UVRAG: variants seen among roughly 807,000 people sequenced by gnomAD.
UVRAG encodes UV radiation resistance associated.
Under a neutral mutation model 78.0 loss-of-function variants are expected in UVRAG, and 19 were observed. The ratio of observed to expected loss-of-function variants is 0.24; its 90% CI spans 0.17 to 0.36. The LOEUF is 0.36. UVRAG is among the 10% of genes least tolerant of loss of function. The pLI, the probability that UVRAG is intolerant of heterozygous loss-of-function variation, is 1.00. For missense variants in UVRAG, 740 were observed against 853.8 expected, an observed-to-expected ratio of 0.87 and a Z score of 1.66; for synonymous variants, 323 against 324.6, an observed-to-expected ratio of 1.00 and a Z score of 0.05.
In UVRAG at chr11:75,888,739, A is replaced by G. The variant is rs959878834; in HGVS notation, c.433-90A>G. 48 of 1,095,114 alleles carry G rather than the reference A, an allele frequency of 4.4e-5. No individual in the cohort carries two copies. In the Middle Eastern group the frequency reaches 1.1e-3, roughly 24 times the overall value. 67.8% of individuals were successfully genotyped at this position (1,095,114 alleles called of 1,614,324 possible). A position where few individuals can be genotyped will look rare whatever the true frequency, so the allele number is the denominator to read the frequency against. Reference sequence around the variant, plus strand: ...TAGTCAGCCGGTTTCTCAGTATTGAAGTAGATCCTGTTGTAACTGTCATTC... The same window carrying G: ...TAGTCAGCCGGTTTCTCAGTATTGAGGTAGATCCTGTTGTAACTGTCATTC... On this transcript the variant is annotated intron_variant, in intron 4 of 14. Transcript: ENST00000356136.
At chr11:75,934,358 TA>T (rs1453453179) in intron 6 of UVRAG, among the ~76,000 whole-genome samples, 1 of 151,892 alleles carries the variant, frequency 6.6e-6, no homozygotes, top group Non-Finnish European at 1.5e-5. Context: ...GGTAGTAAAA[TA>T]GGAGGTGGTG....
chr11:75,896,311 C>G (rs867340905), intron 5 of UVRAG, among the ~76,000 whole-genome samples: 1 of 152,106 alleles, frequency 6.6e-6, no homozygotes, highest in South Asian at 2.1e-4. Flanking sequence ...AAATAAAAAG[C>G]TGTTGAGTCA....
chr11:75,911,544 T>A (rs569731362), intron 5 of UVRAG: 1 of 163,958 alleles, frequency 6.1e-6, no homozygotes, highest in African/African-American at 2.4e-5. Context: ...TCCGTGTTCA[T>A]CTTTCTCTGG....
chr11:75,829,521 T>G (rs925448981), intron 1 of UVRAG, among the ~76,000 whole-genome samples: 2 of 152,354 alleles, frequency 1.3e-5, no homozygotes, highest in African/African-American at 4.8e-5. Flanking sequence ...TGCACAAATG[T>G]GAATGCTTGT....
chr11:75,948,957 G>T (rs915024433), intron 6 of UVRAG, among the ~76,000 whole-genome samples: 2 of 152,134 alleles, frequency 1.3e-5, no homozygotes, highest in Admixed American at 6.5e-5. Context: ...GGATGCTGTT[G>T]GGGAAGATAA....
rs17134431 is a variant in UVRAG, at chr11:75,879,837, A to C, written c.271-42A>C. Reference sequence around the variant, plus strand: ...TCACCTAATTGAAATAATCGTAAACAAATAGAGTTGTCCTAAAGCGTGTTT... The same window carrying C: ...TCACCTAATTGAAATAATCGTAAACCAATAGAGTTGTCCTAAAGCGTGTTT... On this transcript the variant is annotated intron_variant, in intron 3 of 14. Coordinates refer to ENST00000356136, the MANE Select transcript of UVRAG (RefSeq NM_003369.4). 1.1e-3 allele frequency: 1,734 copies of C among 1,596,442 alleles called. 19 individuals are homozygous for C. The African/African-American group carries it at 0.02, about 19-fold the overall frequency.
At chr11:75,935,638 A>G (rs557649844) in intron 6 of UVRAG, among the ~76,000 whole-genome samples, 29 of 152,276 alleles carry the variant, frequency 1.9e-4, no homozygotes, top group African/African-American at 6.7e-4. Flanking sequence ...TTTCTTGAGT[A>G]TTTTATGTCT....
At chr11:75,985,807 T>G (rs1320566227) in intron 8 of UVRAG, among the ~76,000 whole-genome samples, 1 of 152,212 alleles carries the variant, frequency 6.6e-6, no homozygotes, top group South Asian at 2.1e-4. Flanking sequence ...TGCGTTGCAG[T>G]TTTGCTTTTC....
chr11:76,003,234 C>A (rs1419072398), intron 8 of UVRAG, among the ~76,000 whole-genome samples: 8 of 144,764 alleles, frequency 5.5e-5, no homozygotes, highest in Non-Finnish European at 7.5e-5. Flanking sequence ...TTCCTATACA[C>A]TATGATTTTC....
At chr11:75,960,746 G>A (rs553764321) in intron 6 of UVRAG, among the ~76,000 whole-genome samples, 10 of 152,234 alleles carry the variant, frequency 6.6e-5, no homozygotes, top group Admixed American at 1.3e-4. Flanking sequence ...CAGCCTGGGC[G>A]ACAGAGTGAC....
In UVRAG at chr11:75,869,454, T is replaced by G. The variant is rs573180359; in HGVS notation, c.270+7674T>G. Among the ~76,000 whole-genome samples, 3 of 152,336 alleles carry G rather than the reference T, an allele frequency of 2.0e-5. No individual in the cohort carries two copies. The South Asian group carries it at 6.2e-4, about 32-fold the overall frequency. On this transcript the variant is annotated intron_variant, in intron 3 of 14. Coordinates refer to ENST00000356136, the MANE Select transcript of UVRAG (RefSeq NM_003369.4). ...TCAGTTGAATTATGATTGAATGAATTAACATTGAGTGTGTGTGTGTGTAGC... is the reference window on the plus strand; with the variant it reads ...TCAGTTGAATTATGATTGAATGAATGAACATTGAGTGTGTGTGTGTGTAGC...
At chr11:75,868,719 A>G (rs7126845) in intron 3 of UVRAG, among the ~76,000 whole-genome samples, 10,278 of 152,282 alleles carry the variant, frequency 0.067, 493 homozygotes, top group African/African-American at 0.14. Flanking sequence ...CAATAACAAT[A>G]TAAGTGACTA....
At chr11:76,082,470 G>A (rs938934946) in intron 13 of UVRAG, among the ~76,000 whole-genome samples, 1 of 149,778 alleles carries the variant, frequency 6.7e-6, no homozygotes, top group African/African-American at 2.5e-5. Flanking sequence ...AACCCGGGAG[G>A]CGGAGCTTGC....
intron 1 of UVRAG, among the ~76,000 whole-genome samples, chr11:75,821,860 G>A (rs912617900): frequency 6.6e-6 from 1 of 151,586 alleles, no homozygotes; most frequent in African/African-American, 2.4e-5. Flanking sequence ...GACTAGGGTG[G>A]TGGTGTTTTG....
At chr11:75,884,238 CTT>C (rs1491325272) in intron 4 of UVRAG, among the ~76,000 whole-genome samples, 38 of 151,546 alleles carry the variant, frequency 2.5e-4, no homozygotes, top group Middle Eastern at 3.4e-3. Context: ...CTCTCTCTCT[CTT>C]TCTCTCTCTC....
intron 12 of UVRAG, among the ~76,000 whole-genome samples, chr11:76,048,765 T>C (rs974771833): frequency 2.0e-5 from 3 of 152,376 alleles, no homozygotes; most frequent in Non-Finnish European, 2.9e-5. Flanking sequence ...ATTTTGAGCA[T>C]TGACATCCAG....
chr11:75,996,037 C>G (rs1949700693), intron 8 of UVRAG, among the ~76,000 whole-genome samples: 1 of 152,028 alleles, frequency 6.6e-6, no homozygotes, highest in Non-Finnish European at 1.5e-5. Flanking sequence ...GAGCAAACTT[C>G]TGATTTTATT....
intron 6 of UVRAG, among the ~76,000 whole-genome samples, chr11:75,944,873 T>A (rs1473209649): frequency 6.6e-6 from 1 of 152,112 alleles, no homozygotes; most frequent in Non-Finnish European, 1.5e-5. Flanking sequence ...GAGGGAGGCT[T>A]GGCATATGGG....
At chr11:76,101,053 A>G (rs1401376424) in intron 13 of UVRAG, among the ~76,000 whole-genome samples, 3 of 152,186 alleles carry the variant, frequency 2.0e-5, no homozygotes, top group Admixed American at 1.3e-4. Flanking sequence ...AGTTATGAAC[A>G]GTGCTGCAAT....
Sources: gnomAD v4.1 joint callset for allele counts (sites outside exome capture counted in the v4.1 genomes callset) on GRCh38, gnomAD v4.1.1 for gene constraint, MANE v1.5 for transcripts, NCBI Gene and HGNC (gene_info 2026-07-23, HGNC 2026-07-21) for gene names.